The following HMG20A variants were observed in gnomAD, a reference collection of about 807,000 sequenced individuals.
HMG20A encodes the protein high mobility group 20A, also known as high mobility group protein 20A.
Under a neutral mutation model 43.9 loss-of-function variants are expected in HMG20A, and 17 were observed. The observed-to-expected ratio is 0.39, with a 90% CI of 0.27 to 0.58. The LOEUF (loss-of-function observed/expected upper bound fraction) is 0.58. Among genes scored for constraint, HMG20A ranks in the 20% least tolerant of loss-of-function variants. The pLI is 0.59. For synonymous variants in HMG20A, 132 were observed against 147.5 expected, an observed-to-expected ratio of 0.89 and a Z score of 0.76; for missense variants, 341 against 438.2, an observed-to-expected ratio of 0.78 and a Z score of 1.98.
intron 2 of HMG20A, among the ~76,000 whole-genome samples, chr15:77,461,423 G>A (rs1043913277): frequency 2.6e-5 from 4 of 152,114 alleles, no homozygotes; most frequent in African/African-American, 9.7e-5. Context: ...TATGCTGATT[G>A]GACTGATCCT....
chr15:77,431,883 T>C (rs913089734), intron 1 of HMG20A, among the ~76,000 whole-genome samples: 2 of 152,096 alleles, frequency 1.3e-5, no homozygotes, highest in Admixed American at 1.3e-4. Context: ...GATCATATGG[T>C]ATTTGTCAGT....
chr15:77,496,977 C>A, the HMG20A span, among the ~76,000 whole-genome samples: 1 of 152,194 alleles, frequency 6.6e-6, no homozygotes, highest in Non-Finnish European at 1.5e-5. Flanking sequence ...GGACCCAGTG[C>A]TGGCAGGAGA....
At chr15:77,486,999 C>T (rs2072948788), downstream of HMG20A, among the ~76,000 whole-genome samples, 1 of 152,188 alleles carries the variant, frequency 6.6e-6, no homozygotes, top group South Asian at 2.1e-4. Flanking sequence ...ATGGAGGCTC[C>T]TGTCTGTTCC....
At position 77,464,331 on chromosome 15, in the gene HMG20A, C is replaced by G; in HGVS notation, c.181C>G (p.Leu61Val). 2 of 1,613,894 alleles carry G rather than the reference C, an allele frequency of 1.2e-6. No homozygotes were observed. Among genetic ancestry groups the G allele is most frequent in the Non-Finnish European group, 1.7e-6 (2 of 1,179,840 alleles). ...FVEDLSQGQLLQSESSNAAEG... is the reference protein window; with the variant it reads ...FVEDLSQGQLVQSESSNAAEG... ...GGAGGATCTCTCTCAAGGTCAGTTG[C>G]TTCAGAGTGAGTCTTCAAATGCAGC... Residue 61 changes from leucine (L) to valine (V), a missense_variant, in exon 3 of 10, where the codon CTT (leucine) becomes GTT (valine). By Grantham distance (32) the Leu-to-Val change is conservative (BLOSUM62 1). Coordinates refer to ENST00000336216, the MANE Select transcript of HMG20A (RefSeq NM_001304504.2).
the HMG20A span, among the ~76,000 whole-genome samples, chr15:77,513,780 C>G: frequency 6.6e-6 from 1 of 150,404 alleles, no homozygotes; most frequent in Non-Finnish European, 1.5e-5. Context: ...GGCTGGAGTG[C>G]AGTGGTGCAA....
intron 1 of HMG20A, among the ~76,000 whole-genome samples, chr15:77,439,231 G>A (rs1005955615): frequency 1.3e-5 from 2 of 152,180 alleles, no homozygotes; most frequent in African/African-American, 4.8e-5. Context: ...ATCTTTGTGG[G>A]ACCTTCTAAT....
rs1263163087 is a variant in HMG20A at position 77,467,107 on chromosome 15, C to T, written c.250C>T (p.Arg84Ter). Reference sequence around the variant, plus strand: ...TTTTGTTTTGTAGCAACGAAGTAAACGAGGAGGTTGGTCCAAAGGAAGAAA... The same window carrying T: ...TTTTGTTTTGTAGCAACGAAGTAAATGAGGAGGTTGGTCCAAAGGAAGAAA... ...QRHEDEQRSK[R>*]GGWSKGRKRK... is the part of the protein sequence containing the mutation. Residue 84 changes from arginine to a stop codon, truncating the protein, a stop_gained, in exon 4 of 10, where the codon CGA becomes TGA. Coordinates refer to ENST00000336216, the MANE Select transcript of HMG20A (RefSeq NM_001304504.2). LOFTEE classifies it high-confidence loss of function. The T allele has an allele frequency of 4.3e-6, 7 of 1,612,816 alleles. No individual in the cohort carries two copies. Among genetic ancestry groups the T allele is most frequent in the Non-Finnish European group, 5.9e-6 (7 of 1,179,332 alleles).
the HMG20A span, among the ~76,000 whole-genome samples, chr15:77,499,192 G>A: frequency 6.6e-6 from 1 of 152,142 alleles, no homozygotes; most frequent in Non-Finnish European, 1.5e-5. Flanking sequence ...CCGACACTTA[G>A]GATGCTCAAA....
chr15:77,513,127 G>A, the HMG20A span, among the ~76,000 whole-genome samples: 1 of 152,176 alleles, frequency 6.6e-6, no homozygotes, highest in African/African-American at 2.4e-5. Context: ...TGTAATCATG[G>A]ATAGGACCCT....
At chr15:77,516,258 G>A in the HMG20A span, among the ~76,000 whole-genome samples, 9 of 152,266 alleles carry the variant, frequency 5.9e-5, no homozygotes, top group Non-Finnish European at 2.9e-5. Context: ...CGCTGGCAAC[G>A]ATGGCATGCA....
the HMG20A span, among the ~76,000 whole-genome samples, chr15:77,508,995 T>C: frequency 6.6e-6 from 1 of 152,334 alleles, no homozygotes; most frequent in Admixed American, 6.5e-5. Context: ...TCAGCAAAGA[T>C]GGATCGTGAA....
the HMG20A span, among the ~76,000 whole-genome samples, chr15:77,509,601 T>C: frequency 7.7e-6 from 1 of 129,928 alleles, no homozygotes; most frequent in African/African-American, 2.6e-5. Flanking sequence ...TGTGTGTGTG[T>C]GTGTGTCTTA....
At position 77,478,389 on chromosome 15, in the gene HMG20A, A is replaced by G; in HGVS notation, c.786A>G (p.Thr262=). ...ALQKHVESMR[T]AVEKLEVDVI... ...AAAAGCACGTGGAGAGCATGCGCAC[A>G]GCAGTGGAGAAGCTGGAGGTGGATG... The change falls in exon 8 of 10, where the codon ACA becomes ACG. Residue 262 remains threonine, a synonymous_variant. Coordinates refer to ENST00000336216, the MANE Select transcript of HMG20A (RefSeq NM_001304504.2). The G allele has an allele frequency of 6.2e-7, 1 of 1,613,570 alleles. No homozygotes were observed. The highest frequency in any genetic ancestry group is 8.5e-7 in the Non-Finnish European group (1 of 1,180,040).
the HMG20A span, among the ~76,000 whole-genome samples, chr15:77,498,272 C>A: frequency 2.0e-5 from 3 of 152,156 alleles, no homozygotes; most frequent in Non-Finnish European, 4.4e-5. Context: ...CTGGATTTTT[C>A]TCTTTGGAAG....
intron 2 of HMG20A, among the ~76,000 whole-genome samples, chr15:77,461,981 C>T (rs930756766): frequency 6.6e-6 from 1 of 152,092 alleles, no homozygotes; most frequent in Non-Finnish European, 1.5e-5. Context: ...CTTTTACTTA[C>T]TCTTTTTTAA....
intron 1 of HMG20A, among the ~76,000 whole-genome samples, chr15:77,422,356 G>A (rs1490392400): frequency 1.3e-5 from 2 of 152,114 alleles, no homozygotes; most frequent in Admixed American, 6.5e-5. Flanking sequence ...GTTTGGTCAC[G>A]CCTGTAATCA....
chr15:77,500,193 A>G, the HMG20A span, among the ~76,000 whole-genome samples: 2 of 152,228 alleles, frequency 1.3e-5, no homozygotes, highest in South Asian at 4.1e-4. Context: ...AAGCCTTACA[A>G]AAATTCTATA....
At chr15:77,507,591 G>A in the HMG20A span, among the ~76,000 whole-genome samples, 1 of 152,236 alleles carries the variant, frequency 6.6e-6, no homozygotes, top group Admixed American at 6.5e-5. Context: ...GTGGCATCAA[G>A]CCAAGCCACG....
chr15:77,421,077 TTGG>T (rs1178585777), intron 1 of HMG20A, 73 bp downstream of exon 1: 2 of 395,732 alleles, frequency 5.1e-6, no homozygotes, highest in African/African-American at 2.1e-5. Context: ...CACCCCTCTT[TTGG>T]TGGTGGTGGT....
Sources: gnomAD v4.1 joint callset for allele counts (sites outside exome capture counted in the v4.1 genomes callset) on GRCh38, gnomAD v4.1.1 for gene constraint, MANE v1.5 for transcripts, NCBI Gene and HGNC (gene_info 2026-07-23, HGNC 2026-07-21) for gene names.